The following DENND1C variants were observed in gnomAD, a reference collection of about 807,000 sequenced individuals.
DENND1C encodes the protein DENN domain-containing protein 1C.
Under a neutral mutation model 87.9 loss-of-function variants are expected in DENND1C, and 64 were observed. That is an observed-to-expected ratio of 0.73 (90% CI 0.60 to 0.90). The LOEUF is 0.90. Ranked by LOEUF, DENND1C falls within the 40% of genes least tolerant of loss-of-function variation. The pLI, the probability that DENND1C is intolerant of heterozygous loss-of-function variation, is 0.00. For missense variants in DENND1C, 980 were observed against 1,037.0 expected (o/e 0.95, Z 0.76); for synonymous variants, 384 against 424.4 (o/e 0.90, Z 1.17).
rs563732320 is a variant in DENND1C, at chr19:6,480,696, C to T, written c.18-645G>A. Reference sequence around the variant, plus strand: ...TCTTGGCTCACTGCAACCTCCACCCCACAGGTTCAAGCGATTCTCCTGCCT... The same window carrying T: ...TCTTGGCTCACTGCAACCTCCACCCTACAGGTTCAAGCGATTCTCCTGCCT... On this transcript the variant is annotated intron_variant, in intron 1 of 22. Transcript: ENST00000381480. Among the ~76,000 whole-genome samples the T allele has an allele frequency of 1.6e-4, 25 of 152,042 alleles. No individual in the cohort carries two copies. In the East Asian group the frequency reaches 1.9e-3, roughly 12 times the overall value.
chr19:6,479,006 AG>A lies in DENND1C; in HGVS notation c.226del (p.Ala77ProfsTer35). The A allele has an allele frequency of 6.2e-7, 1 of 1,613,888 alleles. No individual in the cohort carries two copies. The highest frequency in any genetic ancestry group is 8.5e-7 in the Non-Finnish European group (1 of 1,179,854). The part of the protein sequence containing the change: ...VQHFTFALTD[L>X]AGNRRFGFCR... Reference sequence around the variant, plus strand: ...GAAACCAAATCTGCGGTTGCCGGCAAGGTCTGTGAGGGCGAAGGTGAAATGC... The same window carrying A: ...GAAACCAAATCTGCGGTTGCCGGCAAGTCTGTGAGGGCGAAGGTGAAATGC... On this transcript the variant is annotated frameshift_variant, in exon 5 of 23. Coordinates refer to ENST00000381480, the MANE Select transcript of DENND1C (RefSeq NM_024898.4). LOFTEE classifies it high-confidence loss of function.
chr19:6,471,382 C>T (rs1208767540), intron 16 of DENND1C, 24 bp downstream of exon 16: 1 of 1,583,344 alleles, frequency 6.3e-7, no homozygotes, highest in South Asian at 1.1e-5. Flanking sequence ...AGTGGGGGAC[C>T]CAGGGGCTGG....
In DENND1C at chr19:6,478,867, G is replaced by C. The variant is rs538602191; in HGVS notation, c.297-15C>G. 95 of 1,613,860 alleles carry C rather than the reference G, an allele frequency of 5.9e-5. 2 individuals carry two copies. The South Asian group carries it at 9.9e-4, about 17-fold the overall frequency. On this transcript the variant is annotated splice_polypyrimidine_tract_variant and intron_variant, in intron 5 of 22. Transcript: ENST00000381480. ...AAGGCAGGTGGCTGTGGAGAGAGGA[G>C]ACAGGTTCCACGAAGTGTCCCTAGG...
At position 6,468,886 on chromosome 19, in the gene DENND1C, C is replaced by T. The variant is rs766394009; in HGVS notation, c.1475G>A (p.Arg492His). The part of the protein sequence containing the change: ...RAPALPSRSD[R>H]LQQRLPITQH... ...AGTGATTGGGAGGCGTTGCTGCAGG[C>T]GGTCTGAGCGGCTGGGGAGGGCTGG... is the stretch of plus-strand genomic sequence containing the variant. Residue 492 changes from arginine (R) to histidine (H), a missense_variant, in exon 20 of 23, where the codon CGC becomes CAC. Arg to His is a conservative substitution (Grantham distance 29). Transcript: ENST00000381480. 6.6e-5 allele frequency: 100 copies of T among 1,505,596 alleles called. No individual in the cohort carries two copies. The highest frequency in any genetic ancestry group is 4.0e-4 in the African/African-American group (28 of 70,770). The allele number at this position is 1,505,596 out of a possible 1,614,324, so 93.3% of individuals were successfully genotyped here. A position where few individuals can be genotyped will look rare whatever the true frequency, so the allele number is the denominator to read the frequency against.
At chr19:6,470,205 C>A in intron 18 of DENND1C, 90 bp downstream of exon 18, 1 of 1,351,564 alleles carries the variant, frequency 7.4e-7, no homozygotes, top group South Asian at 1.3e-5. Flanking sequence ...CTGCCAGGGT[C>A]AAAATACTCC....
intron 14 of DENND1C, among the ~76,000 whole-genome samples, chr19:6,473,811 G>T (rs374745196): frequency 7.0e-6 from 1 of 142,906 alleles, no homozygotes; most frequent in African/African-American, 2.6e-5. Flanking sequence ...GGGCGGGGGG[G>T]TGGGGGGAGG....
At chr19:6,480,235 G>A in intron 1 of DENND1C, 184 bp from the exon 2 acceptor site, 1 of 1,458,124 alleles carries the variant, frequency 6.9e-7, no homozygotes, top group Non-Finnish European at 9.0e-7. Flanking sequence ...AGTGTTAATT[G>A]AACACACAAG....
In DENND1C at chr19:6,467,281, G is replaced by A. The variant is rs933088638; in HGVS notation, c.*223C>T. On this transcript the variant is annotated 3_prime_UTR_variant, in exon 23 of 23. Coordinates refer to ENST00000381480, the MANE Select transcript of DENND1C (RefSeq NM_024898.4). ...AGCTGAGATGGAAGTGACAAATGCC[G>A]AGAGGAATTGTAAGGTTGCCAGGAT... The A allele has an allele frequency of 3.2e-5, 18 of 568,398 alleles. No individual in the cohort carries two copies. The highest frequency in any genetic ancestry group is 1.6e-4 in the East Asian group (5 of 30,758). 35.2% of individuals were successfully genotyped at this position (568,398 alleles called of 1,614,324 possible). A position where few individuals can be genotyped will look rare whatever the true frequency, so the allele number is the denominator to read the frequency against.
Position 6,481,742 on chromosome 19 carries a change from G to A in DENND1C, c.-47C>T, listed in dbSNP as rs1294926189. The A allele has an allele frequency of 8.6e-6, 13 of 1,519,076 alleles. No homozygotes were observed. Among genetic ancestry groups the A allele is most frequent in the Non-Finnish European group, 1.1e-5 (13 of 1,138,056 alleles). The allele number at this position is 1,519,076 out of a possible 1,614,324, so 94.1% of individuals were successfully genotyped here. On this transcript the variant is annotated 5_prime_UTR_variant, in exon 1 of 23. Transcript: ENST00000381480. ...GCGGGGCCCTCTCCCCAGGGGTCCTGGGGGCCTGTGTATGCTGGGCCCCAA... is the reference window on the plus strand; with the variant it reads ...GCGGGGCCCTCTCCCCAGGGGTCCTAGGGGCCTGTGTATGCTGGGCCCCAA...
Position 6,475,507 on chromosome 19 carries a change from C to G in DENND1C, c.904G>C (p.Val302Leu), listed in dbSNP as rs779599592. ...ANTLETTFND[V>L]QALPPDVVSL... is the part of the protein sequence containing the mutation. ...ACCACGTCTGGAGGCAGCGCCTGCA[C>G]GTCGTTAAAGGTCGTCTCCAAGGTA... The change falls in exon 13 of 23, where the codon GTG becomes CTG. Residue 302 changes from valine to leucine, a missense_variant. Transcript: ENST00000381480. 18 of 1,613,910 alleles carry G rather than the reference C, an allele frequency of 1.1e-5. No homozygotes were observed. In the South Asian group the frequency reaches 2.0e-4, roughly 18 times the overall value.
chr19:6,468,535 C>G (rs766734908), intron 21 of DENND1C, 43 bp downstream of exon 21: 1 of 1,556,578 alleles, frequency 6.4e-7, no homozygotes, highest in Non-Finnish European at 8.7e-7. Flanking sequence ...CCCATCAGTC[C>G]TGGCCTCCCA....
In DENND1C at chr19:6,479,336, A is replaced by G. The variant is rs415211; in HGVS notation, c.177-280T>C. ...GGGTTCCTCAGTCCCTGAGTCCCTG[A>G]GTCCCTGAGTCCCTGGTCCCTGAGT... On this transcript the variant is annotated intron_variant, in intron 4 of 22. Transcript: ENST00000381480. 1.5e-3 allele frequency among the ~76,000 whole-genome samples: 214 copies of G among 141,378 alleles called. 4 individuals carry two copies. The highest frequency in any genetic ancestry group is 6.6e-3 in the African/African-American group (213 of 32,334). The allele number at this position is 141,378 out of a possible 152,430, so 92.7% of individuals were successfully genotyped here.
chr19:6,475,685 T>C (rs775490601), intron 12 of DENND1C, 21 bp downstream of exon 12: 6 of 1,603,962 alleles, frequency 3.7e-6, no homozygotes, highest in Non-Finnish European at 5.1e-6. Context: ...GTCCCCGTCG[T>C]CTGGGTAGAT....
intron 10 of DENND1C, 92 bp from the exon 11 acceptor site, chr19:6,476,029 T>C (rs2092857982): frequency 2.6e-6 from 3 of 1,150,518 alleles, no homozygotes; most frequent in Non-Finnish European, 3.6e-6. Context: ...CAGTCTCCTG[T>C]TCCCCCTCCC....
chr19:6,468,617 C>CG lies in DENND1C; in HGVS notation c.1543dup (p.Arg515ProfsTer21). The CG allele has an allele frequency of 1.3e-6, 2 of 1,505,490 alleles. No homozygotes were observed. The highest frequency in any genetic ancestry group is 1.4e-5 in the African/African-American group (1 of 71,524). The allele number at this position is 1,505,490 out of a possible 1,614,324, so 93.3% of individuals were successfully genotyped here. On this transcript the variant is annotated frameshift_variant, in exon 21 of 23. Transcript: ENST00000381480. LOFTEE classifies it high-confidence loss of function. ...CTCGGAAGTTCCCTCTTCCAGCTGG[C>CG]GTCTCCTGCTGGGGCGAAGGGGCCG...
chr19:6,479,296 A>AGTCCCTGGGTCCCTGTGTCCCTG (rs2092883467), intron 4 of DENND1C, among the ~76,000 whole-genome samples: 1 of 142,550 alleles, frequency 7.0e-6, no homozygotes, highest in African/African-American at 3.0e-5. Flanking sequence ...TGGGTCCTTG[A>AGTCCCTGGGTCCCTGTGTCCCTG]ATCCCTAAGT....
At chr19:6,474,199 G>GAA (rs74173088) in intron 14 of DENND1C, among the ~76,000 whole-genome samples, 4 of 140,534 alleles carry the variant, frequency 2.8e-5, no homozygotes, top group African/African-American at 1.1e-4. Flanking sequence ...TGTCTCAAGA[G>GAA]AAAAAAAAAA....
chr19:6,477,246 G>T lies in DENND1C; in HGVS notation c.485C>A (p.Pro162His), dbSNP rs766117647. The T allele has an allele frequency of 7.6e-6, 12 of 1,583,032 alleles. No homozygotes were observed. Among genetic ancestry groups the T allele is most frequent in the South Asian group, 2.3e-5 (2 of 87,832 alleles). Residue 162 changes from proline (P) to histidine (H), a missense_variant, in exon 8 of 23, where the codon CCC (proline) becomes CAC (histidine). Physicochemically the swap from Pro to His is moderately conservative, Grantham distance 77 (BLOSUM62 -2). Transcript: ENST00000381480. Reference sequence around the variant, plus strand: ...CTTGCTATTCCCCCGGGTAGGGGGGGGGATACCCTGCCCGCTGGAGACCGT... The same window carrying T: ...CTTGCTATTCCCCCGGGTAGGGGGGTGGATACCCTGCCCGCTGGAGACCGT... ...GVTVSSGQGI[P>H]PPTRGNSKPL...
At position 6,467,730 on chromosome 19, in the gene DENND1C, T is replaced by C. The variant is rs1012063323; in HGVS notation, c.2180A>G (p.Asp727Gly). 6.6e-7 allele frequency: 1 copy of C among 1,521,022 alleles called. No homozygotes were observed. 94.2% of individuals were successfully genotyped at this position (1,521,022 alleles called of 1,614,324 possible). The change falls in exon 23 of 23, where the codon GAT becomes GGT. Residue 727 changes from aspartate to glycine, a missense_variant. Physicochemically the swap from Asp to Gly is moderately conservative, Grantham distance 94. Coordinates refer to ENST00000381480, the MANE Select transcript of DENND1C (RefSeq NM_024898.4). ...QILAPTKPNF[D>G]IAWTSQPLDP... ...AAGGGGCTGGGACGTCCAGGCTATA[T>C]CAAAGTTGGGCTTTGTGGGGGCCAG... is the stretch of plus-strand genomic sequence containing the variant.
Sources: allele counts gnomAD v4.1 joint callset (sites outside exome capture counted in the v4.1 genomes callset), GRCh38; gene constraint gnomAD v4.1.1; transcripts MANE v1.5; gene names NCBI Gene and HGNC (gene_info 2026-07-23, HGNC 2026-07-21).